The following KATNIP variants were observed in gnomAD, a reference collection of about 807,000 sequenced individuals.
KATNIP encodes the protein katanin interacting protein, also known as katanin-interacting protein.
A neutral mutation model predicts 174.0 loss-of-function variants in KATNIP; 126 were observed. That is an observed-to-expected ratio of 0.72 (90% CI 0.63 to 0.84). KATNIP has a LOEUF of 0.84. Ranked by LOEUF, KATNIP falls within the 40% of genes least tolerant of loss-of-function variation. The probability of loss-of-function intolerance (pLI) is 0.00; values close to 1 mark genes in which losing one functional copy is unlikely to be tolerated. For synonymous variants in KATNIP, 810 were observed against 835.7 expected, an observed-to-expected ratio of 0.97 and a Z score of 0.53; for missense variants, 1,958 against 2,109.7, an observed-to-expected ratio of 0.93 and a Z score of 1.41.
At chr16:27,559,825 A>G (rs2089786809) in intron 1 of KATNIP, among the ~76,000 whole-genome samples, 1 of 150,186 alleles carries the variant, frequency 6.7e-6, no homozygotes, top group Non-Finnish European at 1.5e-5. Context: ...TAGTAAAAAT[A>G]CAGAAATTAG....
At chr16:27,653,400 C>T (rs1290517291) in intron 6 of KATNIP, among the ~76,000 whole-genome samples, 3 of 152,078 alleles carry the variant, frequency 2.0e-5, no homozygotes, top group African/African-American at 7.2e-5. Context: ...TAAAGACCAC[C>T]ATCCTTGGCC....
At chr16:27,752,285 T>C (rs538960746) in intron 17 of KATNIP, among the ~76,000 whole-genome samples, 3 of 152,288 alleles carry the variant, frequency 2.0e-5, no homozygotes, top group African/African-American at 7.2e-5. Context: ...CTAGGAATGC[T>C]TTTCATAGGC....
intron 6 of KATNIP, among the ~76,000 whole-genome samples, chr16:27,659,449 C>T (rs1441783250): frequency 6.6e-6 from 1 of 151,788 alleles, no homozygotes; most frequent in Non-Finnish European, 1.5e-5. Context: ...GTTTGAGGCT[C>T]CCCTAAGCCA....
At chr16:27,768,815 C>A (rs951650551) in intron 20 of KATNIP, among the ~76,000 whole-genome samples, 12 of 152,340 alleles carry the variant, frequency 7.9e-5, no homozygotes, top group African/African-American at 2.9e-4. Context: ...CACATGAGAG[C>A]CAGGTCAGGG....
At chr16:27,663,483 C>T (rs2077589080) in intron 6 of KATNIP, among the ~76,000 whole-genome samples, 2 of 151,754 alleles carry the variant, frequency 1.3e-5, no homozygotes, top group Non-Finnish European at 2.9e-5. Context: ...TGCTCTGTCG[C>T]CCAGGCTGGA....
intron 2 of KATNIP, among the ~76,000 whole-genome samples, chr16:27,577,890 A>G (rs575768438): frequency 1.3e-5 from 2 of 152,170 alleles, no homozygotes. Flanking sequence ...AATTTTTTTT[A>G]ATAAATAAAA....
chr16:27,704,076 G>A, intron 12 of KATNIP, 78 bp downstream of exon 12: 2 of 1,141,974 alleles, frequency 1.8e-6, no homozygotes, highest in Non-Finnish European at 2.6e-6. Flanking sequence ...AGTGAGGATT[G>A]CTCTGACAGT....
chr16:27,714,709 G>A (rs1294261892), intron 13 of KATNIP, among the ~76,000 whole-genome samples: 1 of 152,136 alleles, frequency 6.6e-6, no homozygotes, highest in Non-Finnish European at 1.5e-5. Context: ...GTTTACAGTA[G>A]CATCAAAAGA....
intron 2 of KATNIP, among the ~76,000 whole-genome samples, chr16:27,579,961 G>T (rs969533845): frequency 3.3e-5 from 5 of 151,830 alleles, no homozygotes; most frequent in Admixed American, 6.6e-5. Flanking sequence ...AGACAGGTCT[G>T]AGGGGAACAC....
At chr16:27,552,715 C>G (rs1263101216) in intron 1 of KATNIP, among the ~76,000 whole-genome samples, 3 of 97,856 alleles carry the variant, frequency 3.1e-5, no homozygotes, top group African/African-American at 8.2e-5. Flanking sequence ...TTTTTTGAGA[C>G]GGGAGTTTTG....
chr16:27,700,596 G>T (rs542217913), intron 10 of KATNIP, among the ~76,000 whole-genome samples: 2 of 152,304 alleles, frequency 1.3e-5, no homozygotes, highest in East Asian at 3.9e-4. Context: ...CCCTTGGAAG[G>T]CATGTCCCAT....
At chr16:27,566,403 G>A (rs1262772677) in intron 1 of KATNIP, among the ~76,000 whole-genome samples, 1 of 152,156 alleles carries the variant, frequency 6.6e-6, no homozygotes, top group African/African-American at 2.4e-5. Context: ...GGGCGTGGTG[G>A]TGGGCTCCTG....
At chr16:27,563,561 A>G (rs977213646) in intron 1 of KATNIP, among the ~76,000 whole-genome samples, 1 of 152,062 alleles carries the variant, frequency 6.6e-6, no homozygotes, top group African/African-American at 2.4e-5. Flanking sequence ...GCTGCAGGGA[A>G]GAGGGAGGAG....
At chr16:27,660,596 C>T (rs982088734) in intron 6 of KATNIP, among the ~76,000 whole-genome samples, 11 of 150,576 alleles carry the variant, frequency 7.3e-5, no homozygotes, top group South Asian at 4.2e-4. Context: ...TGGGAGTAGA[C>T]GATACATAAT....
chr16:27,769,714 G>A, intron 20 of KATNIP, 147 bp from the exon 21 acceptor site: 1 of 905,058 alleles, frequency 1.1e-6, no homozygotes, highest in Non-Finnish European at 1.7e-6. Context: ...CACAGCACCT[G>A]ATATGGGAAA....
At chr16:27,705,326 G>A (rs62029140) in intron 12 of KATNIP, among the ~76,000 whole-genome samples, 11,074 of 151,952 alleles carry the variant, frequency 0.073, 535 homozygotes, top group Middle Eastern at 0.1. Context: ...ACTACTGGCC[G>A]GTGAGGACTT....
Position 27,666,175 on chromosome 16 carries a change from T to G in KATNIP, c.541-11554T>G, listed in dbSNP as rs77421227. Among the ~76,000 whole-genome samples, 1,014 of 152,252 alleles carry G rather than the reference T, an allele frequency of 6.7e-3. 16 individuals carry two copies. Among genetic ancestry groups the G allele is most frequent in the African/African-American group, 0.023 (973 of 41,562 alleles). ...CTGAGTTCATTTTGTCTTCTATCACTCTCTTCCCTAGACAAAGATTGTTTT... is the reference window on the plus strand; with the variant it reads ...CTGAGTTCATTTTGTCTTCTATCACGCTCTTCCCTAGACAAAGATTGTTTT... On this transcript the variant is annotated intron_variant, in intron 6 of 27. Transcript: ENST00000261588.
intron 6 of KATNIP, among the ~76,000 whole-genome samples, chr16:27,668,809 C>A (rs145856997): frequency 6.6e-6 from 1 of 152,292 alleles, no homozygotes; most frequent in East Asian, 1.9e-4. Context: ...AGTTTGAGAT[C>A]AGCTTGGGCA....
chr16:27,671,776 C>A (rs1262724984), intron 6 of KATNIP, among the ~76,000 whole-genome samples: 1 of 152,182 alleles, frequency 6.6e-6, no homozygotes, highest in Non-Finnish European at 1.5e-5. Context: ...AGAAATCAGG[C>A]CAGGCGCAGT....
Sources: allele counts gnomAD v4.1 joint callset (sites outside exome capture counted in the v4.1 genomes callset), GRCh38; gene constraint gnomAD v4.1.1; transcripts MANE v1.5; gene names NCBI Gene and HGNC (gene_info 2026-07-23, HGNC 2026-07-21).